Variants in GRIK3 observed in about 807,000 individuals in gnomAD.
GRIK3 encodes the protein glutamate ionotropic receptor kainate type subunit 3, also known as glutamate receptor ionotropic, kainate 3.
A neutral mutation model predicts 102.5 loss-of-function variants in GRIK3; 29 were observed. The ratio of observed to expected loss-of-function variants is 0.28; its 90% confidence interval spans 0.21 to 0.39. The LOEUF (loss-of-function observed/expected upper bound fraction) is 0.39, where lower values mean the gene tolerates loss of function less well. Among genes scored for constraint, GRIK3 ranks in the 10% least tolerant of loss-of-function variants. GRIK3 has a pLI of 1.00. For synonymous variants in GRIK3, 511 were observed against 504.9 expected (o/e 1.01, Z -0.16); for missense variants, 908 against 1,252.4 (o/e 0.73, Z 4.15).
intron 13 of GRIK3, among the ~76,000 whole-genome samples, chr1:36,814,922 C>T (rs1320503351): frequency 6.6e-6 from 1 of 152,224 alleles, no homozygotes; most frequent in African/African-American, 2.4e-5. Context: ...GTTCAGCACA[C>T]ATACACATAG....
At chr1:36,861,512 T>TG (rs1003461365) in intron 5 of GRIK3, among the ~76,000 whole-genome samples, 2 of 152,182 alleles carry the variant, frequency 1.3e-5, no homozygotes, top group African/African-American at 4.8e-5. Flanking sequence ...GCCACCGTCA[T>TG]GGGGAACATC....
intron 1 of GRIK3, among the ~76,000 whole-genome samples, chr1:36,948,923 T>C (rs1296338222): frequency 3.3e-5 from 5 of 152,182 alleles, no homozygotes; most frequent in African/African-American, 2.4e-5. Context: ...CTCCTCAAGC[T>C]AGAAGACGCT....
intron 8 of GRIK3, among the ~76,000 whole-genome samples, chr1:36,851,940 AG>A (rs1557702612): frequency 6.6e-6 from 1 of 152,154 alleles, no homozygotes; most frequent in Non-Finnish European, 1.5e-5. Context: ...CTAGAATTTT[AG>A]GTTATCCCTA....
intron 6 of GRIK3, 31 bp from the exon 7 acceptor site, chr1:36,859,282 C>T: frequency 6.3e-7 from 1 of 1,581,558 alleles, no homozygotes; most frequent in Middle Eastern, 1.7e-4. Flanking sequence ...GAGAGCGGCT[C>T]CCAAGGCCCT....
intron 2 of GRIK3, among the ~76,000 whole-genome samples, chr1:36,888,182 G>A (rs1194960424): frequency 6.6e-6 from 1 of 152,052 alleles, no homozygotes; most frequent in Non-Finnish European, 1.5e-5. Flanking sequence ...TTTAAAATGG[G>A]GCATATTCAT....
intron 15 of GRIK3, among the ~76,000 whole-genome samples, chr1:36,803,740 T>A (rs1642467844): frequency 6.6e-6 from 1 of 152,240 alleles, no homozygotes; most frequent in Admixed American, 6.5e-5. Flanking sequence ...GGAGCTCCTT[T>A]TAACTGTAAT....
At chr1:36,802,178 A>C in intron 15 of GRIK3, 133 bp from the exon 16 acceptor site, 1 of 604,100 alleles carries the variant, frequency 1.7e-6, no homozygotes, top group Non-Finnish European at 2.9e-6. Context: ...CCTTCACCCC[A>C]CCCATCCCTC....
chr1:36,912,285 G>A (rs879722742), intron 1 of GRIK3, among the ~76,000 whole-genome samples: 16 of 152,108 alleles, frequency 1.1e-4, no homozygotes, highest in South Asian at 1.0e-3. Context: ...TGGCAAAGGC[G>A]CGGATTTGGC....
At chr1:37,017,384 AAAAAAAAAAAAG>A (rs1159579464) in intron 1 of GRIK3, among the ~76,000 whole-genome samples, 2 of 150,724 alleles carry the variant, frequency 1.3e-5, no homozygotes, top group African/African-American at 4.9e-5. Flanking sequence ...AAAAAAAAAA[AAAAAAAAAAAAG>A]AAGAAGAAAA....
intron 2 of GRIK3, among the ~76,000 whole-genome samples, chr1:36,889,954 G>A (rs969492255): frequency 6.6e-6 from 1 of 152,130 alleles, no homozygotes; most frequent in Non-Finnish European, 1.5e-5. Flanking sequence ...ACAAGGCCGG[G>A]CAGAGGGTGT....
intron 1 of GRIK3, among the ~76,000 whole-genome samples, chr1:36,923,579 C>G (rs1266951544): frequency 6.6e-6 from 1 of 152,198 alleles, no homozygotes; most frequent in African/African-American, 2.4e-5. Flanking sequence ...CTAGCTCTAT[C>G]CTTGCAGACT....
intron 1 of GRIK3, among the ~76,000 whole-genome samples, chr1:36,966,644 C>T (rs760481403): frequency 3.9e-5 from 6 of 152,052 alleles, no homozygotes; most frequent in Non-Finnish European, 5.9e-5. Context: ...TTCTTCCTCA[C>T]GAAGCCGGGT....
At chr1:36,974,580 C>T (rs1358266624) in intron 1 of GRIK3, among the ~76,000 whole-genome samples, 1 of 151,816 alleles carries the variant, frequency 6.6e-6, no homozygotes, top group South Asian at 2.1e-4. Flanking sequence ...GGGTGGATCA[C>T]GAGGTCAGGA....
At chr1:36,975,284 G>C (rs1364020630) in intron 1 of GRIK3, among the ~76,000 whole-genome samples, 1 of 112,398 alleles carries the variant, frequency 8.9e-6, no homozygotes, top group Admixed American at 8.2e-5. Flanking sequence ...CTTATCTAAA[G>C]TTGGTTTTTT....
At chr1:36,807,045 T>G (rs895234406) in intron 13 of GRIK3, among the ~76,000 whole-genome samples, 3 of 152,060 alleles carry the variant, frequency 2.0e-5, no homozygotes, top group Admixed American at 6.6e-5. Context: ...AGGAGCAGGG[T>G]GCGAATTGCA....
chr1:36,901,860 C>A (rs475402), intron 1 of GRIK3, among the ~76,000 whole-genome samples: 135,869 of 152,280 alleles, frequency 0.89, 60,832 homozygotes, highest in East Asian at 0.99. Flanking sequence ...TACCTCTTGG[C>A]ATTAATAAGC....
chr1:36,865,964 C>T (rs1165457507), intron 5 of GRIK3, among the ~76,000 whole-genome samples: 1 of 152,222 alleles, frequency 6.6e-6, no homozygotes, highest in East Asian at 1.9e-4. Flanking sequence ...ACGGTAGCCT[C>T]TAACTCCTGG....
chr1:36,942,515 G>GAA (rs1641735029), intron 1 of GRIK3, among the ~76,000 whole-genome samples: 1 of 152,166 alleles, frequency 6.6e-6, no homozygotes, highest in African/African-American at 2.4e-5. Flanking sequence ...GAAGGAGCTA[G>GAA]GGAGGCTGTT....
intron 9 of GRIK3, among the ~76,000 whole-genome samples, chr1:36,847,692 C>T (rs1011021991): frequency 3.3e-5 from 5 of 152,342 alleles, no homozygotes; most frequent in Admixed American, 6.5e-5. Flanking sequence ...TTATTAACAC[C>T]TCCCTTTTTC....
Sources: gnomAD v4.1 joint callset for allele counts (sites outside exome capture counted in the v4.1 genomes callset) on GRCh38, gnomAD v4.1.1 for gene constraint, MANE v1.5 for transcripts, NCBI Gene and HGNC (gene_info 2026-07-23, HGNC 2026-07-21) for gene names.